NDUFB7: variants seen among roughly 807,000 people sequenced by gnomAD.
NDUFB7 encodes NADH:ubiquinone oxidoreductase subunit B7.
In NDUFB7, 18 loss-of-function variants were observed where a neutral mutation model predicts 14.7. That is an observed-to-expected ratio of 1.22 (90% CI 0.85 to 1.81). The LOEUF is 1.81. Ranked by LOEUF, NDUFB7 falls within the 40% of genes most tolerant of loss-of-function variation. The pLI, the probability that NDUFB7 is intolerant of heterozygous loss-of-function variation, is 0.00. For missense variants in NDUFB7, 219 were observed against 195.0 expected, an observed-to-expected ratio of 1.12 and a Z score of -0.73; for synonymous variants, 86 against 76.1, an observed-to-expected ratio of 1.13 and a Z score of -0.68.
At chr19:14,566,457 G>GC (rs974793885) in intron 2 of NDUFB7, among the ~76,000 whole-genome samples, 192 bp from the exon 3 acceptor site, 9 of 151,806 alleles carry the variant, frequency 5.9e-5, no homozygotes, top group African/African-American at 2.2e-4. Flanking sequence ...CCTGGGCTTG[G>GC]CCACTCCCCT....
intron 1 of NDUFB7, among the ~76,000 whole-genome samples, chr19:14,570,862 C>T (rs75977344): frequency 0.035 from 5,401 of 152,180 alleles, 318 homozygotes; most frequent in African/African-American, 0.12. Flanking sequence ...AACAAACACA[C>T]GAACCAAAAA....
In NDUFB7 at chr19:14,571,976, A is replaced by G; in HGVS notation, c.25T>C (p.Tyr9His). Residue 9 changes from tyrosine (Y) to histidine (H), a missense_variant, in exon 1 of 3, where the codon TAC becomes CAC. Physicochemically the swap from Tyr to His is moderately conservative, Grantham distance 83. Transcript: ENST00000215565. MGAHLVRR[Y>H]LGDASVEPDP... ...GGCTCCACCGAGGCATCGCCCAGGTAGCGCCGGACCAGGTGGGCCCCCATG... is the reference window on the plus strand; with the variant it reads ...GGCTCCACCGAGGCATCGCCCAGGTGGCGCCGGACCAGGTGGGCCCCCATG... The G allele has an allele frequency of 6.2e-7, 1 of 1,608,358 alleles. No homozygotes were observed. Among genetic ancestry groups the G allele is most frequent in the South Asian group, 1.1e-5 (1 of 90,146 alleles).
At position 14,567,662 on chromosome 19, in the gene NDUFB7, C is replaced by A. The variant is rs3795057; in HGVS notation, c.113-729G>T. Among the ~76,000 whole-genome samples, 30 of 152,062 alleles carry A rather than the reference C, an allele frequency of 2.0e-4. No individual in the cohort carries two copies. The highest frequency in any genetic ancestry group is 3.2e-4 in the Non-Finnish European group (22 of 68,004). ...TGGCGATCCTGCACTCGTTCCCCAC[C>A]GCCTCCCTCAGACCCAGCCTCCCTA... On this transcript the variant is annotated intron_variant, in intron 1 of 2. Transcript: ENST00000215565. The surrounding 1 kb of genome is among the most constrained non-coding windows in gnomAD (Gnocchi z 5.1).
intron 1 of NDUFB7, among the ~76,000 whole-genome samples, chr19:14,569,276 AG>A (rs1272555035): frequency 6.6e-6 from 1 of 152,124 alleles, no homozygotes; most frequent in African/African-American, 2.4e-5. Flanking sequence ...ACCGGTCAGC[AG>A]GGACTGCAGG....
chr19:14,567,047 A>T lies in NDUFB7; in HGVS notation c.113-114T>A. ...GAAGGCACGGCTTGGGGTGTCCCCC[A>T]TTCACATCCAGATGGCAGTGGATGG... On this transcript the variant is annotated intron_variant, in intron 1 of 2. Transcript: ENST00000215565. This position sits in a 1 kb window ranked among gnomAD's most constrained non-coding sequence, Gnocchi z 5.1. The T allele has an allele frequency of 9.3e-7, 1 of 1,073,722 alleles. No homozygotes were observed. Among genetic ancestry groups the T allele is most frequent in the Non-Finnish European group, 1.3e-6 (1 of 756,516 alleles). The allele number at this position is 1,073,722 out of a possible 1,614,324, so 66.5% of individuals were successfully genotyped here.
Position 14,566,242 on chromosome 19 carries a change from A to G in NDUFB7, c.305T>C (p.Phe102Ser), listed in dbSNP as rs2074081977. The change falls in exon 3 of 3, where the codon TTT becomes TCT. Residue 102 changes from phenylalanine to serine, a missense_variant. Coordinates refer to ENST00000215565, the MANE Select transcript of NDUFB7 (RefSeq NM_004146.6). ...CTGGAGCAGCCTCCGCTCCCGCTCA[A>G]ACTCCTTCATGCGCATCACATAGCT... ...HRDYVMRMKE[F>S]ERERRLLQRK... 2.5e-6 allele frequency: 4 copies of G among 1,613,986 alleles called. No individual in the cohort carries two copies. The highest frequency in any genetic ancestry group is 1.1e-5 in the South Asian group (1 of 91,082).
rs565744711 is a variant in NDUFB7 at position 14,566,619 on chromosome 19, G to C, written c.281+146C>G. 1.8e-3 allele frequency: 1,351 copies of C among 749,022 alleles called. 13 individuals carry two copies. The highest frequency in any genetic ancestry group is 9.7e-3 in the South Asian group (550 of 56,858). 46.4% of individuals were successfully genotyped at this position (749,022 alleles called of 1,614,324 possible). On this transcript the variant is annotated intron_variant, in intron 2 of 2. Transcript: ENST00000215565. Reference sequence around the variant, plus strand: ...CTGCCAGGGGCCAGGCCTGGGTGGGGTGCAGGCTGTGGGTGTTGGCGGGGG... The same window carrying C: ...CTGCCAGGGGCCAGGCCTGGGTGGGCTGCAGGCTGTGGGTGTTGGCGGGGG...
Position 14,566,732 on chromosome 19 carries a change from C to T in NDUFB7, c.281+33G>A, listed in dbSNP as rs769294582. 2.4e-4 allele frequency: 328 copies of T among 1,339,014 alleles called. 3 individuals are homozygous for T. The East Asian group carries it at 7.0e-3, about 29-fold the overall frequency. 82.9% of individuals were successfully genotyped at this position (1,339,014 alleles called of 1,614,324 possible). A position where few individuals can be genotyped will look rare whatever the true frequency, so the allele number is the denominator to read the frequency against. Reference sequence around the variant, plus strand: ...GCTGGGGGTATGGGGTGTTGCGGGCCGGGGTGTTGGGGGCTGGTGTGGGGG... The same window carrying T: ...GCTGGGGGTATGGGGTGTTGCGGGCTGGGGTGTTGGGGGCTGGTGTGGGGG... On this transcript the variant is annotated intron_variant, in intron 2 of 2. Transcript: ENST00000215565.
At chr19:14,569,770 A>C (rs1459075524) in intron 1 of NDUFB7, among the ~76,000 whole-genome samples, 1 of 152,120 alleles carries the variant, frequency 6.6e-6, no homozygotes, top group Non-Finnish European at 1.5e-5. Flanking sequence ...CTTGTCGCCC[A>C]CTCAGTAGAC....
intron 1 of NDUFB7, among the ~76,000 whole-genome samples, chr19:14,570,605 GGGATTACAGGC>G (rs1167560046): frequency 6.6e-6 from 1 of 152,228 alleles, no homozygotes; most frequent in African/African-American, 2.4e-5. Context: ...CCAAAGTGCT[GGGATTACAGGC>G]ATGAGCCACC....
In NDUFB7 at chr19:14,567,437, G is replaced by A. The variant is rs1237358473; in HGVS notation, c.113-504C>T. On this transcript the variant is annotated intron_variant, in intron 1 of 2. Transcript: ENST00000215565. This position sits in a 1 kb window ranked among gnomAD's most constrained non-coding sequence, Gnocchi z 5.1. ...CTCTCAGCCTCAGAACTGACCATCCGGTCATGGAAGTTACCCGAGCATCCA... is the reference window on the plus strand; with the variant it reads ...CTCTCAGCCTCAGAACTGACCATCCAGTCATGGAAGTTACCCGAGCATCCA... 3.3e-5 allele frequency among the ~76,000 whole-genome samples: 5 copies of A among 152,016 alleles called. No homozygotes were observed. The highest frequency in any genetic ancestry group is 2.0e-4 in the Admixed American group (3 of 15,262).
intron 1 of NDUFB7, 56 bp from the exon 2 acceptor site, chr19:14,566,989 G>T: frequency 6.6e-7 from 1 of 1,504,728 alleles, no homozygotes; most frequent in Non-Finnish European, 8.9e-7. Flanking sequence ...CCAATTCCGG[G>T]GATCCCCAGG....
chr19:14,571,889 C>A lies in NDUFB7; in HGVS notation c.112G>T (p.Glu38Ter). ...DYGFPERKER[E>*]MVATQQEMMD... Reference sequence around the variant, plus strand: ...GCTGCGCCTGCGCACTGGGCCTCACCGCGCTCCTTGCGTTCGGGGAAGCCG... The same window carrying A: ...GCTGCGCCTGCGCACTGGGCCTCACAGCGCTCCTTGCGTTCGGGGAAGCCG... Residue 38 changes from glutamate to a stop codon, truncating the protein, a stop_gained and splice_region_variant, in exon 1 of 3, where the codon GAG (glutamate) becomes TAG (stop). Coordinates refer to ENST00000215565, the MANE Select transcript of NDUFB7 (RefSeq NM_004146.6). LOFTEE classifies it high-confidence loss of function. 6.2e-7 allele frequency: 1 copy of A among 1,606,984 alleles called. No individual in the cohort carries two copies. Among genetic ancestry groups the A allele is most frequent in the South Asian group, 1.1e-5 (1 of 89,912 alleles).
intron 2 of NDUFB7, 83 bp downstream of exon 2, chr19:14,566,682 C>G: frequency 9.4e-7 from 1 of 1,059,514 alleles, no homozygotes; most frequent in Non-Finnish European, 1.2e-6. Context: ...ATGTGGGGGG[C>G]TTGGGTGGGC....
chr19:14,568,135 C>T (rs1446224283), intron 1 of NDUFB7, among the ~76,000 whole-genome samples: 5 of 152,220 alleles, frequency 3.3e-5, no homozygotes, highest in African/African-American at 1.2e-4. Context: ...ACCCCTGTCT[C>T]CCAGGTTCAA....
intron 1 of NDUFB7, among the ~76,000 whole-genome samples, chr19:14,568,534 C>T (rs1476900776): frequency 6.6e-6 from 1 of 152,032 alleles, no homozygotes; most frequent in Non-Finnish European, 1.5e-5. Context: ...AATCAGCTAG[C>T]AGCAAGGACT....
Position 14,566,784 on chromosome 19 carries a change from C to T in NDUFB7, c.262G>A (p.Asp88Asn), listed in dbSNP as rs1180670913. Residue 88 changes from aspartate (D) to asparagine (N), a missense_variant, in exon 2 of 3, where the codon GAC (aspartate) becomes AAC (asparagine). By Grantham distance (23) the Asp-to-Asn change is conservative (BLOSUM62 1). Transcript: ENST00000215565. ...GCTCACTCGCGGTGCTCGCAGTAGT[C>T]CCAGTCGTGCCGCTCCTGCTTGCAG... is the stretch of plus-strand genomic sequence containing the variant. ...LACKQERHDWDYCEHRDYVMR... is the reference protein window; with the variant it reads ...LACKQERHDWNYCEHRDYVMR... The T allele has an allele frequency of 6.5e-7, 1 of 1,545,500 alleles. No individual in the cohort carries two copies. The highest frequency in any genetic ancestry group is 2.0e-5 in the Admixed American group (1 of 50,958).
chr19:14,570,601 T>A (rs1241712904), intron 1 of NDUFB7, among the ~76,000 whole-genome samples: 1 of 152,128 alleles, frequency 6.6e-6, no homozygotes, highest in East Asian at 1.9e-4. Flanking sequence ...CCTCCCAAAG[T>A]GCTGGGATTA....
chr19:14,566,916 G>A lies in NDUFB7; in HGVS notation c.130C>T (p.Gln44Ter), dbSNP rs2074093749. 3.8e-6 allele frequency: 6 copies of A among 1,585,032 alleles called. No homozygotes were observed. Among genetic ancestry groups the A allele is most frequent in the East Asian group, 2.3e-5 (1 of 43,840 alleles). Reference sequence around the variant, plus strand: ...CTCAGCTGCGCGTCCATCATCTCCTGCTGTGTGGCCACCATCTCTGCAGGG... The same window carrying A: ...CTCAGCTGCGCGTCCATCATCTCCTACTGTGTGGCCACCATCTCTGCAGGG... ...RKEREMVATQ[Q>*]EMMDAQLRLQ... The change falls in exon 2 of 3, where the codon CAG (glutamine) becomes TAG (stop). Residue 44 changes from glutamine to a stop codon, truncating the protein, a stop_gained. Transcript: ENST00000215565. LOFTEE classifies it high-confidence loss of function.
Sources: gnomAD v4.1 joint callset for allele counts (sites outside exome capture counted in the v4.1 genomes callset) on GRCh38, gnomAD v4.1.1 for gene constraint, Gnocchi (gnomAD v3.1) non-coding constraint, MANE v1.5 for transcripts, NCBI Gene and HGNC (gene_info 2026-07-23, HGNC 2026-07-21) for gene names.